EPC1: variants seen among roughly 807,000 people sequenced by gnomAD.
EPC1 encodes the protein enhancer of polycomb homolog 1.
In EPC1, 12 loss-of-function variants were observed where a neutral mutation model predicts 98.4. That is an observed-to-expected ratio of 0.12 (90% CI 0.08 to 0.20). The LOEUF is 0.20. Ranked by LOEUF, EPC1 falls within the 10% of genes least tolerant of loss-of-function variation. The pLI is 1.00. For synonymous variants in EPC1, 357 were observed against 363.9 expected (o/e 0.98, Z 0.21); for missense variants, 729 against 990.5 (o/e 0.74, Z 3.54).
intron 1 of EPC1, among the ~76,000 whole-genome samples, chr10:32,353,999 C>T (rs900755483): frequency 6.6e-6 from 1 of 152,008 alleles, no homozygotes; most frequent in Admixed American, 6.6e-5. Flanking sequence ...ATTACAGTTG[C>T]CTTTCAATAT....
Position 32,285,057 on chromosome 10 carries a change from A to G in EPC1, c.1392-7T>C, listed in dbSNP as rs1836607697. 3 of 1,592,736 alleles carry G rather than the reference A, an allele frequency of 1.9e-6. No homozygotes were observed. The highest frequency in any genetic ancestry group is 2.6e-6 in the Non-Finnish European group (3 of 1,167,268). On this transcript the variant is annotated splice_polypyrimidine_tract_variant and splice_region_variant and intron_variant, in intron 9 of 13. Coordinates refer to ENST00000319778, the MANE Select transcript of EPC1 (RefSeq NM_001272004.3). ...AGCTCTGTCCAGTAAGACCCTATTAAAAAATCAGACAAGAAACAGTTATTT... is the reference window on the plus strand; with the variant it reads ...AGCTCTGTCCAGTAAGACCCTATTAGAAAATCAGACAAGAAACAGTTATTT...
intron 1 of EPC1, among the ~76,000 whole-genome samples, chr10:32,359,531 C>T (rs1839378537): frequency 6.6e-6 from 1 of 152,190 alleles, no homozygotes; most frequent in South Asian, 2.1e-4. Context: ...GTAACAGAAT[C>T]TATTACCTAG....
At chr10:32,330,183 T>C (rs1033294828) in intron 1 of EPC1, among the ~76,000 whole-genome samples, 1 of 152,178 alleles carries the variant, frequency 6.6e-6, no homozygotes, top group Non-Finnish European at 1.5e-5. Flanking sequence ...TTAAGAATAC[T>C]GGGGAGGCAG....
At chr10:32,312,108 G>C in intron 1 of EPC1, among the ~76,000 whole-genome samples, 1 of 152,200 alleles carries the variant, frequency 6.6e-6, no homozygotes, top group South Asian at 2.1e-4. Flanking sequence ...ACCACACAGA[G>C]AAGGCCAGTG....
chr10:32,338,948 AATAAAT>A (rs1838154399), intron 1 of EPC1, among the ~76,000 whole-genome samples: 2 of 148,470 alleles, frequency 1.3e-5, no homozygotes, highest in Admixed American at 1.3e-4. Flanking sequence ...AAAAAAAATA[AATAAAT>A]AAATAAATAA....
chr10:32,362,543 G>T (rs374093997), intron 1 of EPC1, among the ~76,000 whole-genome samples: 1 of 152,090 alleles, frequency 6.6e-6, no homozygotes, highest in Non-Finnish European at 1.5e-5. Context: ...GTTTCCTAAG[G>T]CCTCCCCGGA....
chr10:32,291,520 C>T, intron 5 of EPC1, 198 bp from the exon 6 acceptor site: 1 of 447,212 alleles, frequency 2.2e-6, no homozygotes, highest in Non-Finnish European at 4.0e-6. Flanking sequence ...GTATATAATA[C>T]ATTGTTATTA....
Position 32,347,057 on chromosome 10 carries a change from A to G in EPC1, c.-142T>C. Reference sequence around the variant, plus strand: ...GCGCAGAGCCCGCCGTCCGGGCACTAACACCAGCCGGGAGGGTGGGAGGCT... The same window carrying G: ...GCGCAGAGCCCGCCGTCCGGGCACTGACACCAGCCGGGAGGGTGGGAGGCT... On this transcript the variant is annotated 5_prime_UTR_variant, in exon 1 of 14. Coordinates refer to ENST00000319778, the MANE Select transcript of EPC1 (RefSeq NM_001272004.3). 6.8e-7 allele frequency: 1 copy of G among 1,462,604 alleles called. No individual in the cohort carries two copies. Among genetic ancestry groups the G allele is most frequent in the Non-Finnish European group, 9.0e-7 (1 of 1,113,032 alleles). The allele number at this position is 1,462,604 out of a possible 1,614,324, so 90.6% of individuals were successfully genotyped here. A position where few individuals can be genotyped will look rare whatever the true frequency, so the allele number is the denominator to read the frequency against.
At chr10:32,294,284 C>T (rs918004749) in intron 2 of EPC1, among the ~76,000 whole-genome samples, 1 of 152,142 alleles carries the variant, frequency 6.6e-6, no homozygotes. Context: ...ATGCTTGGGA[C>T]CAGAAGTGTT....
chr10:32,325,454 T>C (rs1347128037), intron 1 of EPC1, among the ~76,000 whole-genome samples: 3 of 152,218 alleles, frequency 2.0e-5, no homozygotes, highest in African/African-American at 7.2e-5. Flanking sequence ...CTAACAACTT[T>C]AATTTCCACA....
At chr10:32,323,844 T>C (rs961117480) in intron 1 of EPC1, among the ~76,000 whole-genome samples, 2 of 152,354 alleles carry the variant, frequency 1.3e-5, no homozygotes, top group Middle Eastern at 3.4e-3. Flanking sequence ...GAGGATTAAA[T>C]AAACATACGT....
At chr10:32,337,367 T>C (rs947995447) in intron 1 of EPC1, among the ~76,000 whole-genome samples, 6 of 152,218 alleles carry the variant, frequency 3.9e-5, no homozygotes, top group African/African-American at 1.2e-4. Flanking sequence ...TGCTTTTCCC[T>C]AGACTTGGAA....
At chr10:32,279,347 TAAAAAAAAAAAAAAA>T (rs397972135) in intron 10 of EPC1, among the ~76,000 whole-genome samples, 1 of 130,356 alleles carries the variant, frequency 7.7e-6, no homozygotes, top group African/African-American at 2.8e-5. Context: ...GACTCTGTCT[TAAAAAAAAAAAAAAA>T]AGAAAAAAAA....
rs914654871 is a variant in EPC1 at position 32,312,238 on chromosome 10, T to C, written c.154-6307A>G. ...GGATCTGTCCTTTTTCTACGAGCAA[T>C]AGCGGCTGCAGGGTTTTACAAGAGC... On this transcript the variant is annotated intron_variant, in intron 1 of 13. Transcript: ENST00000319778. Among the ~76,000 whole-genome samples, 4 of 152,240 alleles carry C rather than the reference T, an allele frequency of 2.6e-5. No homozygotes were observed. In the South Asian group the frequency reaches 6.2e-4, roughly 24 times the overall value.
chr10:32,375,697 A>G (rs183776811), intron 1 of EPC1, among the ~76,000 whole-genome samples: 1 of 152,166 alleles, frequency 6.6e-6, no homozygotes, highest in East Asian at 1.9e-4. Context: ...TGATATGACA[A>G]TATAGTAAAT....
chr10:32,279,449 C>G (rs1836286719), intron 10 of EPC1, among the ~76,000 whole-genome samples: 1 of 152,010 alleles, frequency 6.6e-6, no homozygotes, highest in Non-Finnish European at 1.5e-5. Context: ...ATTCAGTGCT[C>G]AAATCTAGAG....
intron 1 of EPC1, among the ~76,000 whole-genome samples, chr10:32,371,665 G>A (rs764399180): frequency 3.3e-5 from 5 of 152,144 alleles, no homozygotes; most frequent in African/African-American, 4.8e-5. Context: ...TTGGGAGGCC[G>A]AGGCGGGTGG....
chr10:32,336,685 T>C (rs1837994872), intron 1 of EPC1, among the ~76,000 whole-genome samples: 1 of 152,198 alleles, frequency 6.6e-6, no homozygotes, highest in Non-Finnish European at 1.5e-5. Flanking sequence ...TACCTCATCC[T>C]GTCATAATCA....
chr10:32,286,792 T>G lies in EPC1; in HGVS notation c.1293A>C (p.Gly431=), dbSNP rs1237071957. 6.2e-7 allele frequency: 1 copy of G among 1,613,902 alleles called. No homozygotes were observed. Among genetic ancestry groups the G allele is most frequent in the African/African-American group, 1.3e-5 (1 of 74,854 alleles). Residue 431 remains glycine (G), a synonymous_variant, in exon 9 of 14, where the codon GGA becomes GGC. Coordinates refer to ENST00000319778, the MANE Select transcript of EPC1 (RefSeq NM_001272004.3). ...ATCTATATCGCACATCCCCTAATCC[T>G]CCATCTTTAGGACTAGTCCAAGGCC... ...GNWPWTSPKD[G]GLGDVRYRYC...
Sources: allele counts gnomAD v4.1 joint callset (sites outside exome capture counted in the v4.1 genomes callset), GRCh38; gene constraint gnomAD v4.1.1; transcripts MANE v1.5; gene names NCBI Gene and HGNC (gene_info 2026-07-23, HGNC 2026-07-21).